Variants in ROBO1 observed in about 807,000 individuals in gnomAD.
The protein encoded by ROBO1 is roundabout guidance receptor 1.
Under a neutral mutation model 195.9 loss-of-function variants are expected in ROBO1, and 149 were observed. The ratio of observed to expected loss-of-function variants is 0.76; its 90% CI spans 0.67 to 0.87. The LOEUF (loss-of-function observed/expected upper bound fraction) is 0.87. ROBO1 is among the 40% of genes least tolerant of loss of function. ROBO1 has a pLI of 0.00. For synonymous variants in ROBO1, 816 were observed against 733.2 expected (o/e 1.11, Z -1.82); for missense variants, 1,933 against 2,068.3 (o/e 0.93, Z 1.27).
At chr3:79,212,916 C>T (rs536066705) in intron 2 of ROBO1, among the ~76,000 whole-genome samples, 1 of 152,136 alleles carries the variant, frequency 6.6e-6, no homozygotes, top group Admixed American at 6.5e-5. Flanking sequence ...TTAGCAAATT[C>T]TTTTCTTACT....
intron 2 of ROBO1, among the ~76,000 whole-genome samples, chr3:79,368,478 C>A (rs1284489584): frequency 1.3e-5 from 2 of 152,050 alleles, no homozygotes; most frequent in Admixed American, 1.3e-4. Flanking sequence ...CAGGGACCAG[C>A]CCAAGGGGTG....
intron 3 of ROBO1, among the ~76,000 whole-genome samples, chr3:79,048,371 A>G (rs1223592672): frequency 6.6e-6 from 1 of 152,084 alleles, no homozygotes; most frequent in African/African-American, 2.4e-5. Context: ...CCCCCATAAC[A>G]TCAATTCAAG....
intron 4 of ROBO1, among the ~76,000 whole-genome samples, chr3:78,862,061 C>T (rs570850193): frequency 3.3e-5 from 5 of 152,112 alleles, no homozygotes; most frequent in East Asian, 1.9e-4. Context: ...TTAAGGTTAC[C>T]GAACTTAAGA....
intron 2 of ROBO1, among the ~76,000 whole-genome samples, chr3:79,564,009 C>G (rs189942893): frequency 6.7e-6 from 1 of 149,676 alleles, no homozygotes; most frequent in East Asian, 1.9e-4. Flanking sequence ...TACGTAGTGG[C>G]CTTTTTTATG....
intron 3 of ROBO1, among the ~76,000 whole-genome samples, chr3:78,948,492 G>C (rs1467935854): frequency 6.6e-6 from 1 of 152,032 alleles, no homozygotes; most frequent in Non-Finnish European, 1.5e-5. Context: ...TCTCAATAAA[G>C]TAGGTATTGA....
chr3:79,253,567 T>A (rs2082771790), intron 2 of ROBO1, among the ~76,000 whole-genome samples: 1 of 152,190 alleles, frequency 6.6e-6, no homozygotes, highest in Non-Finnish European at 1.5e-5. Context: ...TAGTTGAAGA[T>A]GGTGCTCAAG....
chr3:79,381,039 A>T lies in ROBO1; in HGVS notation c.88+208785T>A, dbSNP rs541921168. Among the ~76,000 whole-genome samples, 10 of 152,266 alleles carry T rather than the reference A, an allele frequency of 6.6e-5. No homozygotes were observed. The South Asian group carries it at 2.1e-3, about 32-fold the overall frequency. ...AAAATGTGTCTAGACCAGCAGAGAG[A>T]GCAAGATGACTCTAGACTTTGGTAA... On this transcript the variant is annotated intron_variant, in intron 2 of 30. Coordinates refer to ENST00000464233, the MANE Select transcript of ROBO1 (RefSeq NM_002941.4).
intron 2 of ROBO1, among the ~76,000 whole-genome samples, chr3:79,316,363 T>C (rs191988191): frequency 6.6e-6 from 1 of 152,246 alleles, no homozygotes; most frequent in East Asian, 1.9e-4. Context: ...GTTTAAGATG[T>C]AGGAAAAATA....
chr3:78,919,523 G>T (rs1422527314), intron 4 of ROBO1, among the ~76,000 whole-genome samples: 1 of 151,880 alleles, frequency 6.6e-6, no homozygotes, highest in African/African-American at 2.4e-5. Context: ...AAGCTTTACT[G>T]CTTCCCAGCT....
intron 8 of ROBO1, among the ~76,000 whole-genome samples, chr3:78,703,733 T>C (rs1193687649): frequency 2.0e-5 from 3 of 152,034 alleles, no homozygotes; most frequent in Admixed American, 1.3e-4. Flanking sequence ...GTGGTAAATA[T>C]ATATTACATT....
intron 2 of ROBO1, among the ~76,000 whole-genome samples, chr3:79,358,074 T>C (rs532621691): frequency 6.6e-6 from 1 of 152,244 alleles, no homozygotes; most frequent in Non-Finnish European, 1.5e-5. Flanking sequence ...GCTGACTTTC[T>C]TGGTTTAAAT....
chr3:79,573,545 A>C (rs2107756696), intron 2 of ROBO1, among the ~76,000 whole-genome samples: 1 of 152,340 alleles, frequency 6.6e-6, no homozygotes, highest in African/African-American at 2.4e-5. Flanking sequence ...ATGGCTAATT[A>C]ACGCAACAGT....
chr3:79,649,375 A>G (rs1409109896), intron 1 of ROBO1, among the ~76,000 whole-genome samples: 1 of 152,084 alleles, frequency 6.6e-6, no homozygotes, highest in African/African-American at 2.4e-5. Flanking sequence ...TAACCTATCT[A>G]TAGTTATACT....
rs960386464 is a variant in ROBO1 at position 78,699,446 on chromosome 3, G to A, written c.1046-10674C>T. 6.1e-5 allele frequency among the ~76,000 whole-genome samples: 9 copies of A among 148,570 alleles called. No homozygotes were observed. In the South Asian group the frequency reaches 1.9e-3, roughly 32 times the overall value. On this transcript the variant is annotated intron_variant, in intron 8 of 30. Transcript: ENST00000464233. ...TAGCCAGGCATGGTGGTGGGTGCCTGTAATCCCAGCTACTTGGGAGGCTGA... is the reference window on the plus strand; with the variant it reads ...TAGCCAGGCATGGTGGTGGGTGCCTATAATCCCAGCTACTTGGGAGGCTGA...
intron 8 of ROBO1, among the ~76,000 whole-genome samples, chr3:78,711,345 T>A (rs1294834632): frequency 2.0e-5 from 1 of 49,448 alleles, no homozygotes; most frequent in Non-Finnish European, 4.0e-5. Context: ...CCTTCCTTCC[T>A]TCCTCCTTCC....
chr3:79,083,133 G>A (rs1045992700), intron 3 of ROBO1, among the ~76,000 whole-genome samples: 1 of 152,054 alleles, frequency 6.6e-6, no homozygotes, highest in African/African-American at 2.4e-5. Flanking sequence ...AGAGGTTGAA[G>A]CTGCAGGAGC....
intron 28 of ROBO1, among the ~76,000 whole-genome samples, chr3:78,607,512 CA>C (rs1703537638): frequency 6.6e-6 from 1 of 152,162 alleles, no homozygotes; most frequent in African/African-American, 2.4e-5. Flanking sequence ...TGCACCCAGC[CA>C]AGACCAACAC....
intron 2 of ROBO1, among the ~76,000 whole-genome samples, chr3:79,429,463 T>A (rs2038587127): frequency 6.6e-6 from 1 of 152,038 alleles, no homozygotes. Flanking sequence ...CAAATACAAC[T>A]CATGAGGATG....
At position 78,662,164 on chromosome 3, in the gene ROBO1, C is replaced by T. The variant is rs972541073; in HGVS notation, c.1967-50G>A. 23 of 1,516,728 alleles carry T rather than the reference C, an allele frequency of 1.5e-5. No individual in the cohort carries two copies. The East Asian group carries it at 2.5e-4, about 17-fold the overall frequency. The allele number at this position is 1,516,728 out of a possible 1,614,324, so 94.0% of individuals were successfully genotyped here. A position where few individuals can be genotyped will look rare whatever the true frequency, so the allele number is the denominator to read the frequency against. On this transcript the variant is annotated intron_variant, in intron 14 of 30. Coordinates refer to ENST00000464233, the MANE Select transcript of ROBO1 (RefSeq NM_002941.4). ...TCAGGGTCTGCACAACGTTACTGAA[C>T]GGAATGAAAGCATGGTGAAACAAAC...
Sources: gnomAD v4.1 joint callset for allele counts (sites outside exome capture counted in the v4.1 genomes callset) on GRCh38, gnomAD v4.1.1 for gene constraint, MANE v1.5 for transcripts, NCBI Gene and HGNC (gene_info 2026-07-23, HGNC 2026-07-21) for gene names.